Variants in SUGT1 observed in about 807,000 individuals in gnomAD.
The protein encoded by SUGT1 is SGT1 assembly cochaperone of MIS12 kinetochore complex.
A neutral mutation model predicts 56.1 loss-of-function variants in SUGT1; 15 were observed. The ratio of observed to expected loss-of-function variants is 0.27; its 90% CI spans 0.18 to 0.41. The LOEUF (loss-of-function observed/expected upper bound fraction) is 0.41, where lower values mean the gene tolerates loss of function less well. Among genes scored for constraint, SUGT1 ranks in the 10% least tolerant of loss-of-function variants. The pLI, the probability that SUGT1 is intolerant of heterozygous loss-of-function variation, is 1.00. For synonymous variants in SUGT1, 123 were observed against 128.6 expected, an observed-to-expected ratio of 0.96 and a Z score of 0.30; for missense variants, 347 against 382.2, an observed-to-expected ratio of 0.91 and a Z score of 0.77.
At chr13:52,680,212 G>A (rs917252396) in intron 12 of SUGT1, 57 bp downstream of exon 12, 5 of 1,496,836 alleles carry the variant, frequency 3.3e-6, no homozygotes, top group Non-Finnish European at 1.8e-6. Flanking sequence ...TATTTTAAAC[G>A]AGAAAATTGG....
At position 52,665,667 on chromosome 13, in the gene SUGT1, A is replaced by C. The variant is rs1163203036; in HGVS notation, c.453A>C (p.Val151=). ...ACTGGTATCAAACAGAATCTCAAGT[A>C]GTCATTACACTTATGATCAAGAATG... ...KYDWYQTESQ[V]VITLMIKNVQ... Residue 151 remains valine (V), a synonymous_variant, in exon 9 of 13, where the codon GTA becomes GTC. Transcript: ENST00000310528. 1 of 1,602,580 alleles carries C rather than the reference A, an allele frequency of 6.2e-7. No individual in the cohort carries two copies. Among genetic ancestry groups the C allele is most frequent in the South Asian group, 1.1e-5 (1 of 89,072 alleles).
intron 10 of SUGT1, among the ~76,000 whole-genome samples, chr13:52,674,153 C>G (rs1963053968): frequency 7.0e-6 from 1 of 143,634 alleles, no homozygotes; most frequent in Non-Finnish European, 1.5e-5. Flanking sequence ...CTCCCAGATT[C>G]AAGCAATTCT....
Position 52,659,190 on chromosome 13 carries a change from A to T in SUGT1, c.269A>T (p.Tyr90Phe), listed in dbSNP as rs147290704. 1.3e-6 allele frequency: 2 copies of T among 1,496,336 alleles called. No homozygotes were observed. The highest frequency in any genetic ancestry group is 2.8e-5 in the South Asian group (2 of 70,660). The allele number at this position is 1,496,336 out of a possible 1,614,324, so 92.7% of individuals were successfully genotyped here. A position where few individuals can be genotyped will look rare whatever the true frequency, so the allele number is the denominator to read the frequency against. ...TAMLRKGICE[Y>F]HEKNYAAALE... ...ATATATTCATGCAGAATATGTGAAT[A>T]CCATGAAAAAAACTATGCTGCTGCC... Residue 90 changes from tyrosine (Y) to phenylalanine (F), a missense_variant, in exon 5 of 13, where the codon TAC (tyrosine) becomes TTC (phenylalanine). Coordinates refer to ENST00000310528, the MANE Select transcript of SUGT1 (RefSeq NM_006704.5).
Position 52,680,296 on chromosome 13 carries a change from T to G in SUGT1, c.900+141T>G. The G allele has an allele frequency of 4.2e-6, 3 of 707,558 alleles. No homozygotes were observed. The South Asian group carries it at 8.3e-5, about 20-fold the overall frequency. The allele number at this position is 707,558 out of a possible 1,614,324, so 43.8% of individuals were successfully genotyped here. On this transcript the variant is annotated intron_variant, in intron 12 of 12. Coordinates refer to ENST00000310528, the MANE Select transcript of SUGT1 (RefSeq NM_006704.5). ...TAAGGTCTGTCTGAACGTTTCTTTT[T>G]GCTCTAAGAGTAATTTTTGAGGAAG...
At chr13:52,655,017 T>A (rs1012131912) in intron 2 of SUGT1, among the ~76,000 whole-genome samples, 1 of 152,204 alleles carries the variant, frequency 6.6e-6, no homozygotes, top group Non-Finnish European at 1.5e-5. Flanking sequence ...AATGTATGGC[T>A]CTTGGACCAG....
intron 2 of SUGT1, among the ~76,000 whole-genome samples, chr13:52,656,179 G>C (rs571245295): frequency 6.6e-6 from 1 of 152,278 alleles, no homozygotes; most frequent in African/African-American, 2.4e-5. Flanking sequence ...CTGGGGAAAA[G>C]GCTGAAAAAA....
chr13:52,664,009 C>G, intron 7 of SUGT1, 26 bp from the exon 8 acceptor site: 1 of 1,611,548 alleles, frequency 6.2e-7, no homozygotes, highest in Non-Finnish European at 8.5e-7. Context: ...TCTCTTTCAA[C>G]TTACCAAAAT....
rs1964006700 is a variant in SUGT1 at position 52,698,790 on chromosome 13, A to G, written c.*10955A>G. ...GATATCGGACAACTAAAATTATAAC[A>G]TTGGGCAGCTATTTTGTATGATATA... On this transcript the variant is annotated 3_prime_UTR_variant, in exon 13 of 13. Transcript: ENST00000310528. The G allele has an allele frequency of 6.6e-6, 1 of 152,090 alleles. No homozygotes were observed. The highest frequency in any genetic ancestry group is 1.9e-4 in the East Asian group (1 of 5,196). 9.4% of individuals were successfully genotyped at this position (152,090 alleles called of 1,614,324 possible). A position where few individuals can be genotyped will look rare whatever the true frequency, so the allele number is the denominator to read the frequency against.
At chr13:52,670,145 C>T (rs1292170839) in intron 10 of SUGT1, among the ~76,000 whole-genome samples, 1 of 152,106 alleles carries the variant, frequency 6.6e-6, no homozygotes, top group Admixed American at 6.5e-5. Context: ...TGTTGCATAT[C>T]CATGTATAGC....
At chr13:52,672,965 T>G (rs1963000981) in intron 10 of SUGT1, among the ~76,000 whole-genome samples, 1 of 152,210 alleles carries the variant, frequency 6.6e-6, no homozygotes, top group African/African-American at 2.4e-5. Flanking sequence ...TTTGGGATAT[T>G]AGCAACTTGA....
chr13:52,659,814 A>ATT (rs71088033), intron 5 of SUGT1, among the ~76,000 whole-genome samples: 8 of 58,726 alleles, frequency 1.4e-4, no homozygotes, highest in African/African-American at 3.7e-4. Context: ...ATATATATAT[A>ATT]TTTTTTTTTT....
intron 10 of SUGT1, among the ~76,000 whole-genome samples, chr13:52,668,494 A>T (rs988121605): frequency 6.6e-6 from 1 of 152,178 alleles, no homozygotes; most frequent in Admixed American, 6.5e-5. Flanking sequence ...CCAGTTAAAA[A>T]GGATCTGCCT....
At position 52,700,873 on chromosome 13, in the gene SUGT1, G is replaced by T. The variant is rs1189394580; in HGVS notation, c.*13038G>T. 1 of 152,100 alleles carries T rather than the reference G, an allele frequency of 6.6e-6. No homozygotes were observed. The highest frequency in any genetic ancestry group is 1.5e-5 in the Non-Finnish European group (1 of 68,016). The allele number at this position is 152,100 out of a possible 1,614,324, so 9.4% of individuals were successfully genotyped here. ...AGAATTTCTATTTTGTAAAAATGTA[G>T]CTTGTATTTCAGTATAATAAAATCT... On this transcript the variant is annotated 3_prime_UTR_variant, in exon 13 of 13. Transcript: ENST00000310528.
intron 10 of SUGT1, among the ~76,000 whole-genome samples, chr13:52,673,201 T>A (rs961849365): frequency 1.3e-5 from 2 of 151,932 alleles, no homozygotes; most frequent in African/African-American, 4.8e-5. Context: ...GAATTAAATG[T>A]AAAAAGGATT....
Position 52,696,805 on chromosome 13 carries a change from T to C in SUGT1, c.*8970T>C, listed in dbSNP as rs1043034423. On this transcript the variant is annotated 3_prime_UTR_variant, in exon 13 of 13. Coordinates refer to ENST00000310528, the MANE Select transcript of SUGT1 (RefSeq NM_006704.5). ...TGCACCACCGTTTCTGACAGGATTT[T>C]AATTTTTAAGTAGGTTTTTAACCCA... 1 of 151,930 alleles carries C rather than the reference T, an allele frequency of 6.6e-6. No homozygotes were observed. The highest frequency in any genetic ancestry group is 1.5e-5 in the Non-Finnish European group (1 of 67,976). The allele number at this position is 151,930 out of a possible 1,614,324, so 9.4% of individuals were successfully genotyped here. A position where few individuals can be genotyped will look rare whatever the true frequency, so the allele number is the denominator to read the frequency against.
rs1470352109 is a variant in SUGT1 at position 52,665,750 on chromosome 13, A to T, written c.519+17A>T. On this transcript the variant is annotated intron_variant, in intron 9 of 12. Coordinates refer to ENST00000310528, the MANE Select transcript of SUGT1 (RefSeq NM_006704.5). ...GAAAAAGAGGTCAGTAGACTGAATC[A>T]TTTTTCAATGTTGATTACTATTATT... The T allele has an allele frequency of 6.5e-7, 1 of 1,539,850 alleles. No individual in the cohort carries two copies. Among genetic ancestry groups the T allele is most frequent in the Non-Finnish European group, 8.8e-7 (1 of 1,133,398 alleles).
At position 52,652,895 on chromosome 13, in the gene SUGT1, G is replaced by C; in HGVS notation, c.-26G>C. On this transcript the variant is annotated 5_prime_UTR_variant, in exon 1 of 13. Transcript: ENST00000310528. Reference sequence around the variant, plus strand: ...TGGTAACCGTGATAGTAGCAGCTCCGGCGGCAGCAACAGCGACTACGAGGG... The same window carrying C: ...TGGTAACCGTGATAGTAGCAGCTCCCGCGGCAGCAACAGCGACTACGAGGG... The C allele has an allele frequency of 6.2e-7, 1 of 1,611,350 alleles. No homozygotes were observed. Among genetic ancestry groups the C allele is most frequent in the Non-Finnish European group, 8.5e-7 (1 of 1,178,586 alleles).
chr13:52,681,849 AAGAG>A (rs1555274215), intron 12 of SUGT1, among the ~76,000 whole-genome samples: 1 of 147,120 alleles, frequency 6.8e-6, no homozygotes, highest in Non-Finnish European at 1.5e-5. Context: ...AAAAAAAAAA[AAGAG>A]AGAGAGAGAG....
chr13:52,669,614 A>G (rs1042186941), intron 10 of SUGT1, among the ~76,000 whole-genome samples: 2 of 152,140 alleles, frequency 1.3e-5, no homozygotes, highest in Admixed American at 6.5e-5. Flanking sequence ...AGGTTTTTCT[A>G]AGTTTTGAAT....
Sources: allele counts gnomAD v4.1 joint callset (sites outside exome capture counted in the v4.1 genomes callset), GRCh38; gene constraint gnomAD v4.1.1; transcripts MANE v1.5; gene names NCBI Gene and HGNC (gene_info 2026-07-23, HGNC 2026-07-21).